Variants in XRCC4 observed in about 807,000 individuals in gnomAD.
The protein encoded by XRCC4 is X-ray repair cross complementing 4.
Under a neutral mutation model 39.1 loss-of-function variants are expected in XRCC4, and 28 were observed. The ratio of observed to expected loss-of-function variants is 0.72; its 90% confidence interval spans 0.53 to 0.98. The LOEUF is 0.98. XRCC4 is among the 50% of genes least tolerant of loss of function. The pLI, the probability that XRCC4 is intolerant of heterozygous loss-of-function variation, is 0.00. For missense variants in XRCC4, 350 were observed against 376.4 expected, an observed-to-expected ratio of 0.93 and a Z score of 0.58; for synonymous variants, 123 against 126.4, an observed-to-expected ratio of 0.97 and a Z score of 0.18.
chr5:83,183,282 C>T (rs1178784832), intron 3 of XRCC4, among the ~76,000 whole-genome samples: 5 of 152,180 alleles, frequency 3.3e-5, no homozygotes, highest in Non-Finnish European at 5.9e-5. Flanking sequence ...CTCATGTCTA[C>T]ACATTTTTTA....
At chr5:83,342,146 G>C (rs1258395554) in intron 7 of XRCC4, among the ~76,000 whole-genome samples, 2 of 152,164 alleles carry the variant, frequency 1.3e-5, no homozygotes, top group African/African-American at 2.4e-5. Flanking sequence ...TTAAGTATCT[G>C]TGTACTTTGG....
In XRCC4 at chr5:83,353,127, C is replaced by A; in HGVS notation, c.894-4C>A. 1 of 1,594,770 alleles carries A rather than the reference C, an allele frequency of 6.3e-7. No homozygotes were observed. The highest frequency in any genetic ancestry group is 8.5e-7 in the Non-Finnish European group (1 of 1,173,674). ...AACTATTTTGATTTTCTTTTCAGTTCTAGGCCTGATTCTTCACTACCTGAG... is the reference window on the plus strand; with the variant it reads ...AACTATTTTGATTTTCTTTTCAGTTATAGGCCTGATTCTTCACTACCTGAG... On this transcript the variant is annotated splice_polypyrimidine_tract_variant and splice_region_variant and intron_variant, in intron 7 of 7. Coordinates refer to ENST00000396027, the MANE Select transcript of XRCC4 (RefSeq NM_003401.5).
At chr5:83,197,102 C>T (rs1750983714) in intron 4 of XRCC4, among the ~76,000 whole-genome samples, 1 of 151,176 alleles carries the variant, frequency 6.6e-6, no homozygotes, top group Non-Finnish European at 1.5e-5. Flanking sequence ...ATTTTTATCT[C>T]CAATTATTTA....
chr5:83,183,142 T>C (rs1750274870), intron 3 of XRCC4, among the ~76,000 whole-genome samples: 1 of 152,156 alleles, frequency 6.6e-6, no homozygotes, highest in South Asian at 2.1e-4. Context: ...CATCATCATT[T>C]ATCTGTAACC....
intron 3 of XRCC4, among the ~76,000 whole-genome samples, chr5:83,158,017 A>C (rs1447721486): frequency 2.6e-5 from 4 of 152,090 alleles, no homozygotes; most frequent in African/African-American, 9.7e-5. Context: ...TTATATGGGT[A>C]ATATTTACTC....
intron 6 of XRCC4, among the ~76,000 whole-genome samples, chr5:83,206,280 G>A (rs1419517882): frequency 1.3e-5 from 2 of 152,288 alleles, no homozygotes; most frequent in Middle Eastern, 6.8e-3. Flanking sequence ...TGAAGGATGA[G>A]GCTGGCTTAG....
intron 7 of XRCC4, among the ~76,000 whole-genome samples, chr5:83,352,125 A>G (rs1217912274): frequency 3.3e-5 from 5 of 152,190 alleles, no homozygotes; most frequent in Admixed American, 3.3e-4. Context: ...ACTTGCCTAA[A>G]GTTACATAGC....
intron 7 of XRCC4, among the ~76,000 whole-genome samples, chr5:83,328,234 T>C (rs1479847515): frequency 1.3e-5 from 2 of 152,076 alleles, no homozygotes; most frequent in Non-Finnish European, 2.9e-5. Context: ...GCCCCCATGA[T>C]TCAATTACCT....
At chr5:83,271,932 A>G (rs546213131) in intron 7 of XRCC4, among the ~76,000 whole-genome samples, 266 of 152,364 alleles carry the variant, frequency 1.7e-3, no homozygotes, top group African/African-American at 6.1e-3. Flanking sequence ...CAACCATGTA[A>G]CATTTTCTAG....
intron 3 of XRCC4, among the ~76,000 whole-genome samples, chr5:83,142,425 A>G (rs1212840212): frequency 1.3e-5 from 2 of 152,220 alleles, no homozygotes; most frequent in Admixed American, 1.3e-4. Flanking sequence ...TTCAAAGCAT[A>G]TGGGACTAAT....
At chr5:83,325,421 C>T (rs773501591) in intron 7 of XRCC4, among the ~76,000 whole-genome samples, 1 of 151,868 alleles carries the variant, frequency 6.6e-6, no homozygotes, top group Non-Finnish European at 1.5e-5. Flanking sequence ...AGGTATTAAG[C>T]CCAGCATCCA....
chr5:83,320,434 G>A (rs912598231), intron 7 of XRCC4, among the ~76,000 whole-genome samples: 7 of 150,110 alleles, frequency 4.7e-5, no homozygotes, highest in Non-Finnish European at 8.9e-5. Context: ...AAGATTCTAT[G>A]AACATTGTTA....
intron 3 of XRCC4, among the ~76,000 whole-genome samples, chr5:83,121,569 G>A (rs1255236963): frequency 6.6e-6 from 1 of 152,010 alleles, no homozygotes; most frequent in African/African-American, 2.4e-5. Flanking sequence ...TGACATATTT[G>A]TTTAAATCTT....
rs141818445 is a variant in XRCC4 at position 83,095,492 on chromosome 5, T to A, written c.-10-9418T>A. On this transcript the variant is annotated intron_variant, in intron 1 of 7. Coordinates refer to ENST00000396027, the MANE Select transcript of XRCC4 (RefSeq NM_003401.5). Reference sequence around the variant, plus strand: ...ACCACTCTGGTTAAACTCCCTCCTATGTCAGAACAAGTGCCTGCCTGTTGT... The same window carrying A: ...ACCACTCTGGTTAAACTCCCTCCTAAGTCAGAACAAGTGCCTGCCTGTTGT... 1.8e-3 allele frequency among the ~76,000 whole-genome samples: 281 copies of A among 152,322 alleles called. 1 individual carries two copies. The highest frequency in any genetic ancestry group is 0.018 in the South Asian group (86 of 4,826).
intron 3 of XRCC4, among the ~76,000 whole-genome samples, chr5:83,180,480 A>C (rs1467983399): frequency 6.6e-6 from 1 of 152,154 alleles, no homozygotes; most frequent in Non-Finnish European, 1.5e-5. Context: ...AGTAGGCCCC[A>C]AACTCTGTAT....
At chr5:83,080,590 T>G (rs528770606) in intron 1 of XRCC4, among the ~76,000 whole-genome samples, 1 of 152,304 alleles carries the variant, frequency 6.6e-6, no homozygotes, top group Admixed American at 6.5e-5. Context: ...TTCTGAGTTG[T>G]GATGAAATCT....
In XRCC4 at chr5:83,287,206, G is replaced by A. The variant is rs1754766325; in HGVS notation, c.893+28529G>A. ...ATTGAAAAAGAAGGGCATGAATTTT[G>A]AAAAGATCCATTAGTAGGCTTGGCA... On this transcript the variant is annotated intron_variant, in intron 7 of 7. Transcript: ENST00000396027. Among the ~76,000 whole-genome samples, 3 of 152,014 alleles carry A rather than the reference G, an allele frequency of 2.0e-5. No homozygotes were observed. In the South Asian group the frequency reaches 6.2e-4, roughly 31 times the overall value.
At chr5:83,225,650 G>A (rs1170726124) in intron 6 of XRCC4, among the ~76,000 whole-genome samples, 1 of 151,096 alleles carries the variant, frequency 6.6e-6, no homozygotes, top group Non-Finnish European at 1.5e-5. Flanking sequence ...TTTATCTCTG[G>A]GGTGAGCTGG....
chr5:83,086,203 A>G (rs1745172289), intron 1 of XRCC4, among the ~76,000 whole-genome samples: 1 of 152,234 alleles, frequency 6.6e-6, no homozygotes, highest in East Asian at 1.9e-4. Flanking sequence ...AAGTCCATAT[A>G]GTAGCGTACA....
Sources: allele counts gnomAD v4.1 joint callset (sites outside exome capture counted in the v4.1 genomes callset), GRCh38; gene constraint gnomAD v4.1.1; transcripts MANE v1.5; gene names NCBI Gene and HGNC (gene_info 2026-07-23, HGNC 2026-07-21).